CDH4: variants seen among roughly 807,000 people sequenced by gnomAD.
CDH4 encodes cadherin 4.
CDH4 carries 33 observed loss-of-function variants against 86.0 expected under a neutral mutation model. The ratio of observed to expected loss-of-function variants is 0.38; its 90% CI spans 0.29 to 0.51. The LOEUF (loss-of-function observed/expected upper bound fraction) is 0.51, where lower values mean the gene tolerates loss of function less well. CDH4 is among the 20% of genes least tolerant of loss of function. The probability of loss-of-function intolerance (pLI) is 0.86; values close to 1 mark genes in which losing one functional copy is unlikely to be tolerated. For synonymous variants in CDH4, 555 were observed against 549.4 expected (o/e 1.01, Z -0.14); for missense variants, 1,114 against 1,307.4 (o/e 0.85, Z 2.28).
At chr20:61,395,532 C>T (rs1397497959) in intron 2 of CDH4, among the ~76,000 whole-genome samples, 2 of 152,126 alleles carry the variant, frequency 1.3e-5, no homozygotes, top group African/African-American at 2.4e-5. Context: ...GTAATCCCAG[C>T]ACTTTGGGAG....
intron 15 of CDH4, among the ~76,000 whole-genome samples, chr20:61,936,039 C>T (rs755381802): frequency 2.8e-4 from 42 of 152,012 alleles, no homozygotes; most frequent in Non-Finnish European, 4.7e-4. Flanking sequence ...AGGTGGCACC[C>T]GCGGGCACTG....
intron 6 of CDH4, among the ~76,000 whole-genome samples, chr20:61,872,502 C>G (rs975125848): frequency 6.6e-6 from 1 of 152,172 alleles, no homozygotes; most frequent in Non-Finnish European, 1.5e-5. Context: ...ACTGCCACCC[C>G]GCACCTGGCC....
intron 2 of CDH4, among the ~76,000 whole-genome samples, chr20:61,575,898 G>T (rs888419204): frequency 5.3e-5 from 8 of 152,168 alleles, no homozygotes; most frequent in African/African-American, 1.9e-4. Flanking sequence ...ATTCAACTCT[G>T]CCAGTAGGGG....
chr20:61,574,981 C>T (rs1202537729), intron 2 of CDH4, among the ~76,000 whole-genome samples: 3 of 152,208 alleles, frequency 2.0e-5, no homozygotes, highest in African/African-American at 7.2e-5. Flanking sequence ...ATGAAGAGTG[C>T]TGCCGTGTGA....
chr20:61,422,669 A>G (rs1337429994), intron 2 of CDH4, among the ~76,000 whole-genome samples: 1 of 152,134 alleles, frequency 6.6e-6, no homozygotes, highest in Non-Finnish European at 1.5e-5. Context: ...CGAATTCTAA[A>G]TTAGGACAAG....
chr20:61,642,723 T>A (rs532344984), intron 2 of CDH4, among the ~76,000 whole-genome samples: 1 of 152,306 alleles, frequency 6.6e-6, no homozygotes, highest in African/African-American at 2.4e-5. Flanking sequence ...ATAATCCAGG[T>A]GTCTGCAGGG....
intron 8 of CDH4, among the ~76,000 whole-genome samples, chr20:61,904,708 A>G (rs1171406704): frequency 6.6e-6 from 1 of 152,198 alleles, no homozygotes; most frequent in African/African-American, 2.4e-5. Context: ...GCTGTGGGGA[A>G]CAGAACTTCC....
chr20:61,929,517 A>G lies in CDH4; in HGVS notation c.2006-92A>G, dbSNP rs151002660. 28 of 899,260 alleles carry G rather than the reference A, an allele frequency of 3.1e-5. No homozygotes were observed. The East Asian group carries it at 6.6e-4, about 21-fold the overall frequency. The allele number at this position is 899,260 out of a possible 1,614,324, so 55.7% of individuals were successfully genotyped here. A position where few individuals can be genotyped will look rare whatever the true frequency, so the allele number is the denominator to read the frequency against. On this transcript the variant is annotated intron_variant, in intron 12 of 15. Coordinates refer to ENST00000614565, the MANE Select transcript of CDH4 (RefSeq NM_001794.5). ...AACCAGGCAGCCATTTCAGATTTCC[A>G]TGCCATCGGACTTTTAGTCTTTTCC...
At chr20:61,764,905 C>T (rs6061812) in intron 3 of CDH4, among the ~76,000 whole-genome samples, 70,734 of 151,982 alleles carry the variant, frequency 0.47, 17,000 homozygotes, top group Non-Finnish European at 0.52. Flanking sequence ...CTGCTGCTGC[C>T]GCCTCCGTAA....
intron 2 of CDH4, among the ~76,000 whole-genome samples, chr20:61,537,875 C>T (rs572319320): frequency 6.6e-6 from 1 of 152,160 alleles, no homozygotes; most frequent in Non-Finnish European, 1.5e-5. Context: ...TGAAAGGGGC[C>T]GAGCGAGTCG....
intron 2 of CDH4, among the ~76,000 whole-genome samples, chr20:61,583,524 C>G (rs958406210): frequency 6.6e-6 from 1 of 152,082 alleles, no homozygotes; most frequent in African/African-American, 2.4e-5. Context: ...GAGGCAGCTG[C>G]GAGGTGGAGC....
chr20:61,655,027 C>T (rs1345316301), intron 2 of CDH4, among the ~76,000 whole-genome samples: 3 of 152,222 alleles, frequency 2.0e-5, no homozygotes, highest in Non-Finnish European at 4.4e-5. Flanking sequence ...ACACTGGGTC[C>T]CAGGGTGGAA....
intron 2 of CDH4, among the ~76,000 whole-genome samples, chr20:61,488,118 C>T (rs1261885714): frequency 1.3e-5 from 2 of 152,224 alleles, no homozygotes; most frequent in African/African-American, 4.8e-5. Context: ...CATGGCCAGT[C>T]TTGACCTAGT....
rs112660599 is a variant in CDH4 at position 61,592,002 on chromosome 20, G to C, written c.170-151561G>C. Among the ~76,000 whole-genome samples the C allele has an allele frequency of 9.9e-5, 15 of 152,258 alleles. 1 individual carries two copies. Among genetic ancestry groups the C allele is most frequent in the African/African-American group, 3.6e-4 (15 of 41,526 alleles). ...TTGCCTCAAAGCAACAGACTGACGC[G>C]TTCCTTTTCAATTAGCTATCTGCCT... On this transcript the variant is annotated intron_variant, in intron 2 of 15. Transcript: ENST00000614565.
chr20:61,766,694 C>T (rs1470796296), intron 3 of CDH4, among the ~76,000 whole-genome samples: 1 of 152,068 alleles, frequency 6.6e-6, no homozygotes, highest in Non-Finnish European at 1.5e-5. Flanking sequence ...ACGCCCCCAC[C>T]CTGCTTTCCT....
chr20:61,614,354 C>T (rs146122953), intron 2 of CDH4, among the ~76,000 whole-genome samples: 5 of 152,222 alleles, frequency 3.3e-5, no homozygotes, highest in African/African-American at 9.6e-5. Flanking sequence ...AGCAGGAGGG[C>T]GGGCACCTGG....
chr20:61,437,410 G>C (rs531557490), intron 2 of CDH4: 1 of 152,224 alleles, frequency 6.6e-6, no homozygotes, highest in Non-Finnish European at 1.5e-5. Context: ...CTGTCTCCCT[G>C]TGACGCAGCA....
At chr20:61,716,380 G>GCTGGACCTGTAAAGGGGTGCCCCTTGA (rs1568773376) in intron 2 of CDH4, among the ~76,000 whole-genome samples, 1 of 147,674 alleles carries the variant, frequency 6.8e-6, no homozygotes, top group African/African-American at 2.6e-5. Flanking sequence ...CCTCCTCTTG[G>GCTGGACCTGTAAAGGGGTGCCCCTTGA]CTGGAGCTGT....
intron 2 of CDH4, among the ~76,000 whole-genome samples, chr20:61,706,571 G>A (rs2087832616): frequency 6.6e-6 from 1 of 152,228 alleles, no homozygotes; most frequent in African/African-American, 2.4e-5. Context: ...CCAAATGGAA[G>A]TTGGAGTTTG....
Sources: gnomAD v4.1 joint callset for allele counts (sites outside exome capture counted in the v4.1 genomes callset) on GRCh38, gnomAD v4.1.1 for gene constraint, MANE v1.5 for transcripts, NCBI Gene and HGNC (gene_info 2026-07-23, HGNC 2026-07-21) for gene names.